RAB11FIP4: variants seen among roughly 807,000 people sequenced by gnomAD.
The protein encoded by RAB11FIP4 is rab11 family-interacting protein 4.
RAB11FIP4 carries 23 observed loss-of-function variants against 74.3 expected under a neutral mutation model. That is an observed-to-expected ratio of 0.31 (90% confidence interval 0.22 to 0.44). RAB11FIP4 has a LOEUF of 0.44. Among genes scored for constraint, RAB11FIP4 ranks in the 20% least tolerant of loss-of-function variants. The probability of loss-of-function intolerance (pLI) is 1.00; values close to 1 mark genes in which losing one functional copy is unlikely to be tolerated. For missense variants in RAB11FIP4, 630 were observed against 863.9 expected (o/e 0.73, Z 3.39); for synonymous variants, 360 against 359.9 (o/e 1.00, Z 0.00).
chr17:31,466,835 G>A (rs1226516202), intron 3 of RAB11FIP4, among the ~76,000 whole-genome samples: 1 of 152,154 alleles, frequency 6.6e-6, no homozygotes, highest in African/African-American at 2.4e-5. Flanking sequence ...CCCTAATGGG[G>A]ACCCAGGGAT....
chr17:31,411,073 C>T (rs1352802692), intron 1 of RAB11FIP4, among the ~76,000 whole-genome samples: 1 of 152,106 alleles, frequency 6.6e-6, no homozygotes, highest in African/African-American at 2.4e-5. Context: ...GCTCAAACCT[C>T]ACTTTCCAGG....
In RAB11FIP4 at chr17:31,535,693, C is replaced by T. The variant is rs150702262; in HGVS notation, c.*3961C>T. 4 of 152,456 alleles carry T rather than the reference C, an allele frequency of 2.6e-5. No homozygotes were observed. Among genetic ancestry groups the T allele is most frequent in the Non-Finnish European group, 4.4e-5 (3 of 68,180 alleles). The allele number at this position is 152,456 out of a possible 1,614,324, so 9.4% of individuals were successfully genotyped here. A position where few individuals can be genotyped will look rare whatever the true frequency, so the allele number is the denominator to read the frequency against. The stretch of plus-strand genomic sequence containing the variant: ...TCTCACCAGCCTGGAGGTTAGCAGA[C>T]CAGAGTGGGTGGGCAGGACCTTGGC... On this transcript the variant is annotated 3_prime_UTR_variant, in exon 15 of 15. Transcript: ENST00000621161.
At chr17:31,497,073 C>T (rs1419289401) in intron 3 of RAB11FIP4, among the ~76,000 whole-genome samples, 1 of 152,162 alleles carries the variant, frequency 6.6e-6, no homozygotes, top group Non-Finnish European at 1.5e-5. Flanking sequence ...ATGTTTAAGA[C>T]CCCTTTGTGG....
intron 3 of RAB11FIP4, among the ~76,000 whole-genome samples, chr17:31,445,585 T>TCA (rs1567658468): frequency 1.8e-4 from 9 of 48,950 alleles, no homozygotes; most frequent in African/African-American, 1.3e-3. Flanking sequence ...TATATTTTTT[T>TCA]TTTTTTTTTT....
At position 31,535,557 on chromosome 17, in the gene RAB11FIP4, C is replaced by G. The variant is rs2072945474; in HGVS notation, c.*3825C>G. The G allele has an allele frequency of 6.6e-6, 1 of 152,392 alleles. No individual in the cohort carries two copies. Among genetic ancestry groups the G allele is most frequent in the Admixed American group, 6.5e-5 (1 of 15,284 alleles). 9.4% of individuals were successfully genotyped at this position (152,392 alleles called of 1,614,324 possible). ...GCTGTTGGGCTTGTCAAGCCCGTGG[C>G]TGAATGACAGTGAGCTCTCTTGCTG... is the stretch of plus-strand genomic sequence containing the variant. On this transcript the variant is annotated 3_prime_UTR_variant, in exon 15 of 15. Coordinates refer to ENST00000621161, the MANE Select transcript of RAB11FIP4 (RefSeq NM_032932.6).
At position 31,523,521 on chromosome 17, in the gene RAB11FIP4, G is replaced by A; in HGVS notation, c.939G>A (p.Met313Ile). ...CCTCCCACCCCTGCAGGCAGCTCAT[G>A]CACAGCAGCAACTTCAGCAGCAGCA... ...ISSTAFGRQL[M>I]HSSNFSSSNG... The change falls in exon 8 of 15, where the codon ATG becomes ATA. Residue 313 changes from methionine to isoleucine, a missense_variant. Transcript: ENST00000621161. 6.2e-7 allele frequency: 1 copy of A among 1,613,804 alleles called. No individual in the cohort carries two copies. The highest frequency in any genetic ancestry group is 8.5e-7 in the Non-Finnish European group (1 of 1,179,766).
rs140513474 is a variant in RAB11FIP4 at position 31,522,394 on chromosome 17, C to T, written c.928C>T (p.Arg310Trp). The change falls in exon 7 of 15, where the codon CGG becomes TGG. Residue 310 changes from arginine (R) to tryptophan (W), a missense_variant and splice_region_variant. Physicochemically the swap from Arg to Trp is moderately radical, Grantham distance 101 (BLOSUM62 -3). Transcript: ENST00000621161. ...AAAGATCTCCAGCACGGCCTTTGGA[C>T]GGTAAGGCCCGCCTCGAGGGAGGGC... ...NRKISSTAFG[R>W]QLMHSSNFSS... 14 of 1,613,710 alleles carry T rather than the reference C, an allele frequency of 8.7e-6. No homozygotes were observed. The highest frequency in any genetic ancestry group is 6.7e-5 in the East Asian group (3 of 44,884).
intron 1 of RAB11FIP4, among the ~76,000 whole-genome samples, chr17:31,398,959 G>T (rs1333060559): frequency 6.6e-6 from 1 of 152,168 alleles, no homozygotes; most frequent in Non-Finnish European, 1.5e-5. Flanking sequence ...TGCCTTGGAG[G>T]GCAGTGCATT....
intron 1 of RAB11FIP4, among the ~76,000 whole-genome samples, chr17:31,395,826 T>C (rs1272522613): frequency 6.6e-6 from 1 of 152,156 alleles, no homozygotes; most frequent in East Asian, 1.9e-4. Flanking sequence ...TAATGTTATT[T>C]ATGGATTAGG....
chr17:31,460,981 G>A (rs1356687105), intron 3 of RAB11FIP4, among the ~76,000 whole-genome samples: 3 of 151,944 alleles, frequency 2.0e-5, no homozygotes, highest in Admixed American at 6.6e-5. Context: ...TGGGTCATGT[G>A]TCGAGCCCCC....
At chr17:31,464,106 G>T (rs1006721395) in intron 3 of RAB11FIP4, among the ~76,000 whole-genome samples, 1 of 152,052 alleles carries the variant, frequency 6.6e-6, no homozygotes. Context: ...GAGCCGCCGG[G>T]CCCAGCCTCT....
At chr17:31,413,040 T>C (rs1481184857) in intron 1 of RAB11FIP4, among the ~76,000 whole-genome samples, 2 of 152,226 alleles carry the variant, frequency 1.3e-5, no homozygotes, top group Non-Finnish European at 2.9e-5. Context: ...CCACTGTATT[T>C]TGCTTTGTTT....
At chr17:31,455,779 G>A (rs2071573635) in intron 3 of RAB11FIP4, among the ~76,000 whole-genome samples, 1 of 152,178 alleles carries the variant, frequency 6.6e-6, no homozygotes, top group Non-Finnish European at 1.5e-5. Flanking sequence ...TCTCCTCAAG[G>A]GAAACTTTAA....
intron 3 of RAB11FIP4, among the ~76,000 whole-genome samples, chr17:31,456,828 T>C (rs2071583050): frequency 2.0e-5 from 3 of 152,194 alleles, no homozygotes; most frequent in South Asian, 2.1e-4. Flanking sequence ...GAGAGACTTA[T>C]TAAAGGATTA....
In RAB11FIP4 at chr17:31,434,137, G is replaced by T; in HGVS notation, c.336+15G>T. On this transcript the variant is annotated intron_variant, in intron 3 of 14. Coordinates refer to ENST00000621161, the MANE Select transcript of RAB11FIP4 (RefSeq NM_032932.6). ...GCGTGGAGCAGGTAAGGCTTGGGGG[G>T]CCTCAAGGACCTCCATGGCTCTGCC... The T allele has an allele frequency of 1.3e-6, 2 of 1,558,480 alleles. No individual in the cohort carries two copies. Among genetic ancestry groups the T allele is most frequent in the Non-Finnish European group, 1.7e-6 (2 of 1,155,942 alleles).
At chr17:31,526,958 AG>A (rs1454552962) in intron 10 of RAB11FIP4, 1 of 152,276 alleles carries the variant, frequency 6.6e-6, no homozygotes, top group Non-Finnish European at 1.5e-5. Context: ...CTGAACACCC[AG>A]GCTCTGTCTT....
chr17:31,486,700 T>C (rs1173809070), intron 3 of RAB11FIP4, among the ~76,000 whole-genome samples: 3 of 152,228 alleles, frequency 2.0e-5, no homozygotes, highest in Admixed American at 6.5e-5. Flanking sequence ...AGGCATACTT[T>C]CCGAGGAGAG....
intron 3 of RAB11FIP4, among the ~76,000 whole-genome samples, chr17:31,462,428 T>C (rs2071642509): frequency 6.6e-6 from 1 of 152,144 alleles, no homozygotes; most frequent in Admixed American, 6.6e-5. Flanking sequence ...AGAAAGGGTC[T>C]GGAGTATCCG....
chr17:31,456,234 T>C lies in RAB11FIP4; in HGVS notation c.336+22112T>C, dbSNP rs146889873. 3.7e-3 allele frequency among the ~76,000 whole-genome samples: 567 copies of C among 152,346 alleles called. 2 individuals carry two copies. Among genetic ancestry groups the C allele is most frequent in the African/African-American group, 0.012 (517 of 41,580 alleles). ...TACTCTTTGATCCAATATATTCTTT[T>C]TTTGAGACAGGGTCTCACTGTCACC... On this transcript the variant is annotated intron_variant, in intron 3 of 14. Transcript: ENST00000621161.
Sources: allele counts gnomAD v4.1 joint callset (sites outside exome capture counted in the v4.1 genomes callset), GRCh38; gene constraint gnomAD v4.1.1; transcripts MANE v1.5; gene names NCBI Gene and HGNC (gene_info 2026-07-23, HGNC 2026-07-21).